PTPRT: variants seen among roughly 807,000 people sequenced by gnomAD.
PTPRT encodes receptor-type tyrosine-protein phosphatase T.
A neutral mutation model predicts 176.8 loss-of-function variants in PTPRT; 56 were observed. The ratio of observed to expected loss-of-function variants is 0.32; its 90% CI spans 0.26 to 0.40. PTPRT has a LOEUF of 0.40. PTPRT is among the 10% of genes least tolerant of loss of function. The probability of loss-of-function intolerance (pLI) is 1.00; values close to 1 mark genes in which losing one functional copy is unlikely to be tolerated. For missense variants in PTPRT, 1,540 were observed against 1,908.2 expected, an observed-to-expected ratio of 0.81 and a Z score of 3.60; for synonymous variants, 783 against 739.0, an observed-to-expected ratio of 1.06 and a Z score of -0.96.
At chr20:42,507,529 A>T (rs1419643814) in intron 7 of PTPRT, among the ~76,000 whole-genome samples, 1 of 152,184 alleles carries the variant, frequency 6.6e-6, no homozygotes, top group Non-Finnish European at 1.5e-5. Flanking sequence ...AGCATCTCTG[A>T]GCCCCAGTCT....
At chr20:42,300,617 A>G (rs1028118885) in intron 12 of PTPRT, among the ~76,000 whole-genome samples, 6 of 151,986 alleles carry the variant, frequency 3.9e-5, no homozygotes, top group African/African-American at 1.4e-4. Flanking sequence ...GAATCTATAA[A>G]TTTTTATCAA....
chr20:42,153,176 A>G (rs1989209300), intron 17 of PTPRT, among the ~76,000 whole-genome samples: 1 of 152,256 alleles, frequency 6.6e-6, no homozygotes, highest in African/African-American at 2.4e-5. Context: ...TGGCAAGACC[A>G]CGAGCTTTCT....
chr20:42,563,227 GA>G (rs1419539472), intron 7 of PTPRT, among the ~76,000 whole-genome samples: 3 of 151,782 alleles, frequency 2.0e-5, no homozygotes, highest in Non-Finnish European at 4.4e-5. Flanking sequence ...GCTCCCCAAA[GA>G]AAAAAATGCA....
rs1224510868 is a variant in PTPRT, at chr20:42,577,839, G to C, written c.1153+100027C>G. The stretch of plus-strand genomic sequence containing the variant: ...AAAACCTTCAGACCTGAGCAAGGCT[G>C]TGTGTGTGTGTGTGTGTGTGTGTGT... On this transcript the variant is annotated intron_variant, in intron 7 of 30. Coordinates refer to ENST00000373187, the MANE Select transcript of PTPRT (RefSeq NM_007050.6). Among the ~76,000 whole-genome samples the C allele has an allele frequency of 5.7e-4, 32 of 56,262 alleles. No individual in the cohort carries two copies. The East Asian group carries it at 0.015, about 27-fold the overall frequency. The allele number at this position is 56,262 out of a possible 152,430, so 36.9% of individuals were successfully genotyped here. A position where few individuals can be genotyped will look rare whatever the true frequency, so the allele number is the denominator to read the frequency against.
chr20:42,524,827 A>G (rs1048725768), intron 7 of PTPRT, among the ~76,000 whole-genome samples: 13 of 151,836 alleles, frequency 8.6e-5, no homozygotes, highest in African/African-American at 2.4e-4. Context: ...CTTGGCTACA[A>G]TGAGGGTATT....
intron 9 of PTPRT, among the ~76,000 whole-genome samples, chr20:42,390,798 A>C (rs770468973): frequency 2.6e-5 from 4 of 152,176 alleles, no homozygotes; most frequent in Non-Finnish European, 4.4e-5. Context: ...GACTCTCACA[A>C]ACTGTTTAAG....
At chr20:42,330,376 T>C (rs980891512) in intron 11 of PTPRT, among the ~76,000 whole-genome samples, 2 of 151,764 alleles carry the variant, frequency 1.3e-5, no homozygotes, top group African/African-American at 4.8e-5. Flanking sequence ...CTTGGGAGGC[T>C]GAGGCAGGAT....
chr20:42,564,954 C>T (rs982504866), intron 7 of PTPRT, among the ~76,000 whole-genome samples: 3 of 151,948 alleles, frequency 2.0e-5, no homozygotes, highest in South Asian at 2.1e-4. Context: ...AGGAGGGTGC[C>T]GGAACCAATC....
chr20:42,518,888 G>A (rs2072118217), intron 7 of PTPRT, among the ~76,000 whole-genome samples: 1 of 152,110 alleles, frequency 6.6e-6, no homozygotes, highest in Non-Finnish European at 1.5e-5. Flanking sequence ...TTAATGTACA[G>A]TATTTTATTT....
At chr20:42,425,331 T>G (rs958577787) in intron 9 of PTPRT, among the ~76,000 whole-genome samples, 4 of 152,200 alleles carry the variant, frequency 2.6e-5, no homozygotes, top group African/African-American at 9.7e-5. Context: ...GAAGTCTCTT[T>G]GAAAAGAGGT....
intron 7 of PTPRT, among the ~76,000 whole-genome samples, chr20:42,570,978 C>A (rs1472351774): frequency 6.6e-6 from 1 of 152,094 alleles, no homozygotes; most frequent in Non-Finnish European, 1.5e-5. Context: ...TTATTCTGCC[C>A]ACCCTAATGT....
At chr20:42,685,834 A>G (rs1289229310) in intron 6 of PTPRT, 1 of 152,126 alleles carries the variant, frequency 6.6e-6, no homozygotes, top group Non-Finnish European at 1.5e-5. Flanking sequence ...TGAAATAGGT[A>G]AGGTTTTTAT....
At chr20:42,999,193 T>A (rs757582961) in intron 1 of PTPRT, among the ~76,000 whole-genome samples, 7 of 152,142 alleles carry the variant, frequency 4.6e-5, no homozygotes, top group Non-Finnish European at 8.8e-5. Flanking sequence ...CGCAATATAT[T>A]GCTAAGCAAA....
chr20:43,160,816 T>G (rs1477559566), intron 1 of PTPRT, among the ~76,000 whole-genome samples: 3 of 152,024 alleles, frequency 2.0e-5, no homozygotes, highest in Non-Finnish European at 4.4e-5. Flanking sequence ...GACTTTAAGA[T>G]ATTGGCCCTG....
intron 17 of PTPRT, among the ~76,000 whole-genome samples, chr20:42,158,137 T>C (rs1447643008): frequency 6.6e-6 from 1 of 152,256 alleles, no homozygotes; most frequent in East Asian, 1.9e-4. Flanking sequence ...TGTTTCATGT[T>C]GTTAAAATTT....
At chr20:42,041,979 G>A in the PTPRT span, among the ~76,000 whole-genome samples, 2 of 152,114 alleles carry the variant, frequency 1.3e-5, no homozygotes, top group Non-Finnish European at 1.5e-5. Context: ...GCTTCCTGAT[G>A]CTGTCTCTCC....
chr20:42,082,391 G>A (rs1039100610), intron 29 of PTPRT, among the ~76,000 whole-genome samples: 5 of 152,224 alleles, frequency 3.3e-5, no homozygotes, highest in Non-Finnish European at 7.3e-5. Flanking sequence ...CTTTGTACAT[G>A]TGACACCTGC....
intron 6 of PTPRT, among the ~76,000 whole-genome samples, chr20:42,686,641 C>A (rs553523413): frequency 5.3e-5 from 8 of 151,740 alleles, no homozygotes; most frequent in Non-Finnish European, 8.8e-5. Context: ...TACAGGCATG[C>A]GCCACCATGC....
chr20:42,827,476 G>T (rs2078014691), intron 2 of PTPRT, among the ~76,000 whole-genome samples: 1 of 152,122 alleles, frequency 6.6e-6, no homozygotes, highest in South Asian at 2.1e-4. Context: ...AAGAAATTAA[G>T]GCAGACATCA....
Sources: allele counts gnomAD v4.1 joint callset (sites outside exome capture counted in the v4.1 genomes callset), GRCh38; gene constraint gnomAD v4.1.1; transcripts MANE v1.5; gene names NCBI Gene and HGNC (gene_info 2026-07-23, HGNC 2026-07-21).